CTDSPL2: variants seen among roughly 807,000 people sequenced by gnomAD.
CTDSPL2 encodes the protein CTD small phosphatase-like protein 2.
Under a neutral mutation model 60.0 loss-of-function variants are expected in CTDSPL2, and 5 were observed. That is an observed-to-expected ratio of 0.08 (90% CI 0.04 to 0.18). The LOEUF (loss-of-function observed/expected upper bound fraction) is 0.18, where lower values mean the gene tolerates loss of function less well. CTDSPL2 is among the 10% of genes least tolerant of loss of function. The probability of loss-of-function intolerance (pLI) is 1.00; values close to 1 mark genes in which losing one functional copy is unlikely to be tolerated. For synonymous variants in CTDSPL2, 186 were observed against 189.3 expected (o/e 0.98, Z 0.14); for missense variants, 370 against 548.8 (o/e 0.67, Z 3.26).
intron 1 of CTDSPL2, among the ~76,000 whole-genome samples, chr15:44,456,829 G>C (rs2080453557): frequency 8.1e-6 from 1 of 122,880 alleles, no homozygotes; most frequent in South Asian, 2.7e-4. Flanking sequence ...TTTTAATTGT[G>C]ATGTTAGGGT....
chr15:44,501,835 T>C (rs938429700), intron 8 of CTDSPL2: 1 of 345,488 alleles, frequency 2.9e-6, no homozygotes, highest in African/African-American at 2.2e-5. Context: ...TCCCTTGGAT[T>C]TCTTATTTTG....
At chr15:44,490,656 A>G (rs2081198038) in intron 4 of CTDSPL2, 128 bp from the exon 5 acceptor site, 1 of 678,442 alleles carries the variant, frequency 1.5e-6, no homozygotes, top group African/African-American at 1.8e-5. Context: ...CTCTAAAAGC[A>G]ATATACTCAG....
chr15:44,447,510 C>G (rs1595705124), intron 1 of CTDSPL2: 1 of 152,138 alleles, frequency 6.6e-6, no homozygotes, highest in East Asian at 1.9e-4. Flanking sequence ...CTTTATATAT[C>G]CAGCCAACAA....
At chr15:44,506,603 CG>C (rs1234284972) in intron 8 of CTDSPL2, among the ~76,000 whole-genome samples, 2 of 150,422 alleles carry the variant, frequency 1.3e-5, no homozygotes, top group Non-Finnish European at 3.0e-5. Context: ...TTTGTAGAGA[CG>C]GGGTTTCTCT....
intron 2 of CTDSPL2, among the ~76,000 whole-genome samples, chr15:44,475,986 G>A (rs1463863999): frequency 2.0e-5 from 3 of 152,132 alleles, no homozygotes; most frequent in Non-Finnish European, 4.4e-5. Flanking sequence ...TTATTTTTCA[G>A]CAGTGCACCA....
intron 1 of CTDSPL2, among the ~76,000 whole-genome samples, chr15:44,456,592 C>A (rs960997853): frequency 3.3e-5 from 5 of 152,102 alleles, no homozygotes; most frequent in African/African-American, 1.2e-4. Flanking sequence ...GTGATGATAT[C>A]CCCTTTGTCA....
intron 2 of CTDSPL2, among the ~76,000 whole-genome samples, chr15:44,474,119 C>T (rs1366278026): frequency 6.6e-6 from 1 of 152,170 alleles, no homozygotes; most frequent in Non-Finnish European, 1.5e-5. Flanking sequence ...TGAGCCACCA[C>T]CCACAGAATG....
At chr15:44,499,385 C>T (rs547005320) in intron 7 of CTDSPL2, among the ~76,000 whole-genome samples, 1 of 152,146 alleles carries the variant, frequency 6.6e-6, no homozygotes, top group South Asian at 2.1e-4. Flanking sequence ...AGCCTGAGAG[C>T]GAGACTCTGT....
intron 1 of CTDSPL2, among the ~76,000 whole-genome samples, chr15:44,442,452 A>C (rs1453600268): frequency 6.6e-6 from 1 of 151,930 alleles, no homozygotes; most frequent in Non-Finnish European, 1.5e-5. Flanking sequence ...GTCTCAAAAA[A>C]AAAAAAAAAA....
intron 1 of CTDSPL2, among the ~76,000 whole-genome samples, chr15:44,457,599 T>TG (rs201403544): frequency 0.035 from 3,944 of 112,474 alleles, 85 homozygotes; most frequent in East Asian, 0.13. Context: ...CTTTTTTGGT[T>TG]GGGGGGGGTG....
chr15:44,486,523 C>G, intron 3 of CTDSPL2, 28 bp from the exon 4 acceptor site: 1 of 1,477,276 alleles, frequency 6.8e-7, no homozygotes, highest in Non-Finnish European at 9.1e-7. Context: ...TTTTCTAGAT[C>G]ATGACTTTTT....
In CTDSPL2 at chr15:44,527,206, G is replaced by A. The variant is rs1218293071; in HGVS notation, c.*3032G>A. 1 of 152,310 alleles carries A rather than the reference G, an allele frequency of 6.6e-6. No individual in the cohort carries two copies. The highest frequency in any genetic ancestry group is 1.5e-5 in the Non-Finnish European group (1 of 67,966). 9.4% of individuals were successfully genotyped at this position (152,310 alleles called of 1,614,324 possible). ...AAGCATTGTGTAACTTCTATAAACG[G>A]CTATTTTCTTGTAACTGTCAGTGAA... On this transcript the variant is annotated 3_prime_UTR_variant, in exon 13 of 13. Transcript: ENST00000260327.
intron 2 of CTDSPL2, among the ~76,000 whole-genome samples, chr15:44,476,596 T>C (rs893533736): frequency 1.3e-5 from 2 of 152,178 alleles, no homozygotes; most frequent in African/African-American, 2.4e-5. Context: ...ATATTTTTAC[T>C]GTACTTTTTT....
At chr15:44,442,064 GCTC>G (rs2080099602) in intron 1 of CTDSPL2, among the ~76,000 whole-genome samples, 1 of 152,144 alleles carries the variant, frequency 6.6e-6, no homozygotes, top group Non-Finnish European at 1.5e-5. Flanking sequence ...CTTGTGGTCA[GCTC>G]CTCCTCTGTA....
chr15:44,439,106 A>T (rs1457972276), intron 1 of CTDSPL2, among the ~76,000 whole-genome samples: 1 of 150,778 alleles, frequency 6.6e-6, no homozygotes, highest in African/African-American at 2.4e-5. Context: ...AAGCATACTC[A>T]TTTTCCCAAG....
chr15:44,483,314 A>G (rs935424047), intron 2 of CTDSPL2, among the ~76,000 whole-genome samples: 2 of 151,928 alleles, frequency 1.3e-5, no homozygotes, highest in Non-Finnish European at 2.9e-5. Context: ...GACTCTAGAA[A>G]AAATTTACAA....
At chr15:44,460,676 G>C (rs1341495379) in intron 2 of CTDSPL2, among the ~76,000 whole-genome samples, 1 of 151,944 alleles carries the variant, frequency 6.6e-6, no homozygotes, top group Non-Finnish European at 1.5e-5. Context: ...GGTTTGCATA[G>C]GGTTTTAATT....
Position 44,459,193 on chromosome 15 carries a change from C to T in CTDSPL2, c.179C>T (p.Thr60Ile), listed in dbSNP as rs2080510496. 1 of 1,600,652 alleles carries T rather than the reference C, an allele frequency of 6.2e-7. No homozygotes were observed. The highest frequency in any genetic ancestry group is 8.5e-7 in the Non-Finnish European group (1 of 1,174,144). ...SSIKKFIKGS[T>I]PKEERENPSK... ...ATTAAAAAATTTATTAAAGGAAGCA[C>T]ACCTAAGGTAATGATTTTACCATAT... Residue 60 changes from threonine to isoleucine, a missense_variant, in exon 2 of 13, where the codon ACA becomes ATA. By Grantham distance (89) the Thr-to-Ile change is moderately conservative. This residue lies in a region of CTDSPL2 where 287 missense variants were observed against 296.1 expected (regional missense o/e 0.97). Transcript: ENST00000260327.
chr15:44,505,152 C>T (rs879270226), intron 8 of CTDSPL2, among the ~76,000 whole-genome samples: 8 of 152,026 alleles, frequency 5.3e-5, no homozygotes, highest in Admixed American at 2.6e-4. Flanking sequence ...AAAATAGAGG[C>T]CAGGTGTGGT....
Sources: allele counts gnomAD v4.1 joint callset (sites outside exome capture counted in the v4.1 genomes callset), GRCh38; gene constraint gnomAD v4.1.1; regional missense constraint gnomAD v4.1.1; transcripts MANE v1.5; gene names NCBI Gene and HGNC (gene_info 2026-07-23, HGNC 2026-07-21).